Variants in CALN1 observed in about 807,000 individuals in gnomAD.
CALN1 encodes calneuron 1.
Under a neutral mutation model 30.6 loss-of-function variants are expected in CALN1, and 17 were observed. The observed-to-expected ratio is 0.56, with a 90% confidence interval of 0.38 to 0.83. The LOEUF is 0.83. CALN1 is among the 40% of genes least tolerant of loss of function. The pLI, the probability that CALN1 is intolerant of heterozygous loss-of-function variation, is 0.00. For synonymous variants in CALN1, 156 were observed against 131.4 expected, an observed-to-expected ratio of 1.19 and a Z score of -1.28; for missense variants, 291 against 354.9, an observed-to-expected ratio of 0.82 and a Z score of 1.45.
intron 3 of CALN1, among the ~76,000 whole-genome samples, chr7:72,229,156 G>A (rs1043798331): frequency 1.3e-5 from 2 of 151,952 alleles, no homozygotes; most frequent in African/African-American, 4.8e-5. Context: ...TGCTGTGGGA[G>A]GCAGAAAAAA....
At chr7:72,325,933 G>A (rs1801246507) in intron 2 of CALN1, among the ~76,000 whole-genome samples, 1 of 152,166 alleles carries the variant, frequency 6.6e-6, no homozygotes. Flanking sequence ...ACAGGGTCTT[G>A]TTCTGTCACC....
intron 3 of CALN1, among the ~76,000 whole-genome samples, chr7:72,118,632 A>T (rs1488391572): frequency 1.3e-5 from 2 of 152,252 alleles, no homozygotes; most frequent in Non-Finnish European, 2.9e-5. Flanking sequence ...AAGAAAGCCC[A>T]GCCCGGCCAG....
At chr7:72,038,206 C>T (rs909757056) in intron 4 of CALN1, among the ~76,000 whole-genome samples, 2 of 152,074 alleles carry the variant, frequency 1.3e-5, no homozygotes, top group Non-Finnish European at 2.9e-5. Context: ...GGAATGCATA[C>T]ACAGCTTCCT....
Position 71,780,436 on chromosome 7 carries a change from T to C in CALN1, c.*7339A>G, listed in dbSNP as rs2240978. On this transcript the variant is annotated 3_prime_UTR_variant, in exon 7 of 7. Transcript: ENST00000395275. ...TTTTATGTTGCCTGGGGCAGAAGGG[T>C]TAGAGACTTGTGGATCCTGCAGCTG... 0.19 allele frequency: 28,743 copies of C among 151,924 alleles called. 4,078 individuals carry two copies. Among genetic ancestry groups the C allele is most frequent in the East Asian group, 0.53 (2,699 of 5,108 alleles). The allele number at this position is 151,924 out of a possible 1,614,324, so 9.4% of individuals were successfully genotyped here. A position where few individuals can be genotyped will look rare whatever the true frequency, so the allele number is the denominator to read the frequency against.
At chr7:71,857,938 A>G (rs1362557787) in intron 5 of CALN1, among the ~76,000 whole-genome samples, 1 of 152,220 alleles carries the variant, frequency 6.6e-6, no homozygotes, top group Non-Finnish European at 1.5e-5. Context: ...GAAGTGGGCC[A>G]AAGAACTGCA....
At chr7:72,215,702 C>T (rs1359258195) in intron 3 of CALN1, among the ~76,000 whole-genome samples, 2 of 152,182 alleles carry the variant, frequency 1.3e-5, no homozygotes, top group African/African-American at 2.4e-5. Context: ...CAGCTCCACA[C>T]GGAGCTACTG....
intron 5 of CALN1, among the ~76,000 whole-genome samples, chr7:71,949,044 TA>T (rs34370568): frequency 0.076 from 5,078 of 66,850 alleles, 198 homozygotes; most frequent in Admixed American, 0.14. Context: ...CTCTGTCTCT[TA>T]AAAAAAAAAA....
chr7:71,979,931 G>A (rs1244397649), intron 5 of CALN1, among the ~76,000 whole-genome samples: 1 of 136,898 alleles, frequency 7.3e-6, no homozygotes, highest in Admixed American at 8.0e-5. Flanking sequence ...AAGCTGGAGT[G>A]CAGTGGTACA....
rs1316801822 is a variant in CALN1 at position 71,969,264 on chromosome 7, G to T, written c.501+54393C>A. Among the ~76,000 whole-genome samples the T allele has an allele frequency of 2.0e-5, 3 of 152,022 alleles. No individual in the cohort carries two copies. In the East Asian group the frequency reaches 5.8e-4, roughly 29 times the overall value. On this transcript the variant is annotated intron_variant, in intron 5 of 6. Transcript: ENST00000395275. ...ACTAATTAGTGTTACCCTTTGCCCAGGCTCTTAGCAAGCAGGGCACTGGGT... is the reference window on the plus strand; with the variant it reads ...ACTAATTAGTGTTACCCTTTGCCCATGCTCTTAGCAAGCAGGGCACTGGGT...
intron 3 of CALN1, among the ~76,000 whole-genome samples, chr7:72,205,566 A>ATATATATACACATATATATATACG (rs1169550933): frequency 8.6e-6 from 1 of 115,664 alleles, no homozygotes; most frequent in African/African-American, 3.7e-5. Flanking sequence ...ATATATATAT[A>ATATATATACACATATATATATACG]TGTATATATA....
At chr7:72,259,819 C>T (rs12668832) in intron 3 of CALN1, among the ~76,000 whole-genome samples, 1 of 152,210 alleles carries the variant, frequency 6.6e-6, no homozygotes, top group Non-Finnish European at 1.5e-5. Flanking sequence ...TCTCCCCTAA[C>T]TATGCAAAAG....
At chr7:72,149,628 AT>A (rs1450903941) in intron 3 of CALN1, among the ~76,000 whole-genome samples, 2 of 152,056 alleles carry the variant, frequency 1.3e-5, no homozygotes, top group African/African-American at 4.8e-5. Context: ...ACTTTAGACC[AT>A]GCTGCCTTCT....
At chr7:72,036,831 C>A (rs1584796451) in intron 4 of CALN1, among the ~76,000 whole-genome samples, 1 of 149,680 alleles carries the variant, frequency 6.7e-6, no homozygotes, top group East Asian at 2.0e-4. Flanking sequence ...GCCATTCTTT[C>A]TTGTTTCTTT....
At chr7:72,306,434 A>C (rs954987872) in intron 2 of CALN1, among the ~76,000 whole-genome samples, 5 of 152,156 alleles carry the variant, frequency 3.3e-5, no homozygotes, top group Admixed American at 2.6e-4. Flanking sequence ...CTTTTATCTT[A>C]ACCTAAACAT....
intron 3 of CALN1, among the ~76,000 whole-genome samples, chr7:72,135,415 G>A (rs1464308235): frequency 1.3e-5 from 2 of 152,098 alleles, no homozygotes; most frequent in Non-Finnish European, 2.9e-5. Flanking sequence ...TTGATGTATG[G>A]GCTGCAGAAC....
At chr7:71,815,720 T>C (rs1349627852) in intron 5 of CALN1, among the ~76,000 whole-genome samples, 2 of 150,060 alleles carry the variant, frequency 1.3e-5, no homozygotes, top group Non-Finnish European at 3.0e-5. Context: ...CTTCCATCCT[T>C]CCTTTCTTCC....
Position 72,256,956 on chromosome 7 carries a change from T to G in CALN1, c.244+21730A>C, listed in dbSNP as rs565663379. On this transcript the variant is annotated intron_variant, in intron 3 of 6. Coordinates refer to ENST00000395275, the MANE Select transcript of CALN1 (RefSeq NM_031468.4). ...CCTCCCAGGAGGTGGGTGATTATAT[T>G]CCCCACTGTATTAGTTCATTTTCAC... Among the ~76,000 whole-genome samples, 26 of 152,228 alleles carry G rather than the reference T, an allele frequency of 1.7e-4. No individual in the cohort carries two copies. In the South Asian group the frequency reaches 1.9e-3, roughly 11 times the overall value.
chr7:72,384,550 C>T (rs1170835535), intron 2 of CALN1, among the ~76,000 whole-genome samples: 1 of 151,978 alleles, frequency 6.6e-6, no homozygotes, highest in Non-Finnish European at 1.5e-5. Flanking sequence ...GGGAGGATTG[C>T]TTGAGCCTGG....
At chr7:72,036,916 C>T (rs989930423) in intron 4 of CALN1, among the ~76,000 whole-genome samples, 6 of 151,540 alleles carry the variant, frequency 4.0e-5, no homozygotes, top group African/African-American at 1.5e-4. Context: ...AAATCAGATT[C>T]TCCCCTCTCC....
Sources: allele counts gnomAD v4.1 joint callset (sites outside exome capture counted in the v4.1 genomes callset), GRCh38; gene constraint gnomAD v4.1.1; transcripts MANE v1.5; gene names NCBI Gene and HGNC (gene_info 2026-07-23, HGNC 2026-07-21).